GLI3: variants seen among roughly 807,000 people sequenced by gnomAD.
The protein encoded by GLI3 is GLI family zinc finger 3.
A neutral mutation model predicts 100.8 loss-of-function variants in GLI3; 20 were observed. The ratio of observed to expected loss-of-function variants is 0.20; its 90% CI spans 0.14 to 0.29. The LOEUF is 0.29. Ranked by LOEUF, GLI3 falls within the 10% of genes least tolerant of loss-of-function variation. The pLI is 1.00. For synonymous variants in GLI3, 938 were observed against 860.5 expected (o/e 1.09, Z -1.58); for missense variants, 2,040 against 2,128.5 (o/e 0.96, Z 0.82).
chr7:42,025,589 C>T (rs1239567599), intron 8 of GLI3, among the ~76,000 whole-genome samples: 1 of 152,120 alleles, frequency 6.6e-6, no homozygotes, highest in Non-Finnish European at 1.5e-5. Flanking sequence ...ATTTTTAACT[C>T]GTGAGTATAA....
At chr7:42,179,398 T>C (rs913371975) in intron 2 of GLI3, among the ~76,000 whole-genome samples, 2 of 151,914 alleles carry the variant, frequency 1.3e-5, no homozygotes, top group African/African-American at 2.4e-5. Context: ...AGGGACAGAG[T>C]GTGCTGCCCA....
chr7:42,248,942 A>C (rs143645891), intron 1 of GLI3, among the ~76,000 whole-genome samples: 23 of 152,002 alleles, frequency 1.5e-4, no homozygotes, highest in African/African-American at 5.6e-4. Context: ...GATTTTCACC[A>C]TGTTGGCTAG....
intron 10 of GLI3, among the ~76,000 whole-genome samples, chr7:42,020,868 C>T (rs923115633): frequency 1.5e-5 from 2 of 135,678 alleles, no homozygotes; most frequent in African/African-American, 5.6e-5. Context: ...CCAGCCTGGG[C>T]GACAGAGCGA....
intron 3 of GLI3, among the ~76,000 whole-genome samples, chr7:42,126,640 A>G (rs1207414463): frequency 6.6e-6 from 1 of 152,234 alleles, no homozygotes; most frequent in Admixed American, 6.5e-5. Context: ...GCAATGAGTA[A>G]AGGAAACCAA....
At chr7:42,182,668 A>G (rs1487452201) in intron 2 of GLI3, among the ~76,000 whole-genome samples, 11 of 77,978 alleles carry the variant, frequency 1.4e-4, no homozygotes, top group South Asian at 9.1e-4. Context: ...ATATATATAT[A>G]TATATATATA....
At chr7:42,227,254 C>T (rs1446742276) in intron 1 of GLI3, among the ~76,000 whole-genome samples, 27 of 152,002 alleles carry the variant, frequency 1.8e-4, no homozygotes, top group Admixed American at 1.7e-3. Context: ...TGCTGGCATG[C>T]CCCTTGACTT....
At chr7:42,046,560 T>C (rs1784249706) in intron 5 of GLI3, among the ~76,000 whole-genome samples, 2 of 152,324 alleles carry the variant, frequency 1.3e-5, no homozygotes, top group East Asian at 1.9e-4. Context: ...GGAAGGCAAA[T>C]GAACCAGTCA....
chr7:42,138,704 C>A (rs754997351), intron 3 of GLI3, among the ~76,000 whole-genome samples: 8 of 152,228 alleles, frequency 5.3e-5, no homozygotes. Flanking sequence ...CTGGCATTTG[C>A]TTCTCAGCAT....
intron 13 of GLI3, among the ~76,000 whole-genome samples, chr7:41,969,290 C>T (rs1787306744): frequency 1.3e-5 from 2 of 152,264 alleles, no homozygotes; most frequent in Non-Finnish European, 1.5e-5. Context: ...ACTATAAACA[C>T]GGACAGCAGC....
At chr7:42,203,689 C>A (rs1488605508) in intron 2 of GLI3, among the ~76,000 whole-genome samples, 3 of 152,154 alleles carry the variant, frequency 2.0e-5, no homozygotes, top group African/African-American at 7.2e-5. Context: ...CATGGCACTG[C>A]AGATATCTCT....
chr7:42,121,541 C>T (rs1029667411), intron 3 of GLI3, among the ~76,000 whole-genome samples: 1 of 152,204 alleles, frequency 6.6e-6, no homozygotes, highest in Non-Finnish European at 1.5e-5. Flanking sequence ...AAATATATGG[C>T]TGACAACATT....
intron 13 of GLI3, among the ~76,000 whole-genome samples, chr7:41,968,739 AG>A (rs1787273870): frequency 7.5e-6 from 1 of 133,088 alleles, no homozygotes; most frequent in African/African-American, 3.4e-5. Context: ...AAAGAAAGAA[AG>A]AAAGAAAGAA....
At chr7:42,071,104 A>C (rs527350594) in intron 4 of GLI3, among the ~76,000 whole-genome samples, 1 of 152,296 alleles carries the variant, frequency 6.6e-6, no homozygotes, top group African/African-American at 2.4e-5. Context: ...TTTATTTAGG[A>C]GCTACCATAT....
chr7:42,044,006 G>A (rs1784194510), intron 6 of GLI3, among the ~76,000 whole-genome samples: 1 of 152,136 alleles, frequency 6.6e-6, no homozygotes, highest in Non-Finnish European at 1.5e-5. Flanking sequence ...TTTCCATGTA[G>A]TAATGAGCTT....
In GLI3 at chr7:41,965,999, C is replaced by T. The variant is rs1320063680; in HGVS notation, c.3074G>A (p.Ser1025Asn). ...CGGGGGGTTGCAGCTGCTGAGGCTG[C>T]TGAAGCGCGGCACACGAGGCAGGGC... ...GLALPRVPRF[S>N]SLSSCNPPAM... The change falls in exon 15 of 15, where the codon AGC (serine) becomes AAC (asparagine). Residue 1025 changes from serine (S) to asparagine (N), a missense_variant. By Grantham distance (46) the Ser-to-Asn change is conservative. Coordinates refer to ENST00000395925, the MANE Select transcript of GLI3 (RefSeq NM_000168.6). 3 of 1,602,696 alleles carry T rather than the reference C, an allele frequency of 1.9e-6. No homozygotes were observed. The highest frequency in any genetic ancestry group is 1.7e-4 in the Middle Eastern group (1 of 6,052).
intron 2 of GLI3, among the ~76,000 whole-genome samples, chr7:42,186,379 C>A (rs556843182): frequency 8.5e-5 from 13 of 152,210 alleles, no homozygotes; most frequent in Admixed American, 3.3e-4. Context: ...CCGTGCCTGG[C>A]GTATAGCAGG....
At chr7:42,014,010 T>C (rs1275339609) in intron 10 of GLI3, among the ~76,000 whole-genome samples, 7 of 152,178 alleles carry the variant, frequency 4.6e-5, no homozygotes, top group Non-Finnish European at 2.9e-5. Context: ...ACTGTACTCG[T>C]AAAACATCTC....
intron 1 of GLI3, among the ~76,000 whole-genome samples, chr7:42,245,761 A>C (rs1199360144): frequency 6.6e-6 from 1 of 152,176 alleles, no homozygotes; most frequent in Non-Finnish European, 1.5e-5. Context: ...AATAATACTT[A>C]TTCTATGCCA....
chr7:41,969,979 T>C (rs975700820), intron 13 of GLI3, among the ~76,000 whole-genome samples: 2 of 152,144 alleles, frequency 1.3e-5, no homozygotes, highest in Non-Finnish European at 2.9e-5. Flanking sequence ...TAACTCCACA[T>C]TTTTCACATG....
Sources: gnomAD v4.1 joint callset for allele counts (sites outside exome capture counted in the v4.1 genomes callset) on GRCh38, gnomAD v4.1.1 for gene constraint, MANE v1.5 for transcripts, NCBI Gene and HGNC (gene_info 2026-07-23, HGNC 2026-07-21) for gene names.